The following NLRP3 variants were observed in gnomAD, a reference collection of about 807,000 sequenced individuals.
NLRP3 encodes NLR family pyrin domain containing 3, also known as NACHT, LRR and PYD domains-containing protein 3.
In NLRP3, 48 loss-of-function variants were observed where a neutral mutation model predicts 91.3. That is an observed-to-expected ratio of 0.53 (90% confidence interval 0.42 to 0.67). The LOEUF (loss-of-function observed/expected upper bound fraction) is 0.67. Ranked by LOEUF, NLRP3 falls within the 30% of genes least tolerant of loss-of-function variation. The pLI, the probability that NLRP3 is intolerant of heterozygous loss-of-function variation, is 0.00. For missense variants in NLRP3, 982 were observed against 1,276.9 expected (o/e 0.77, Z 3.52); for synonymous variants, 561 against 507.9 (o/e 1.10, Z -1.41).
chr1:247,433,000 G>A (rs1663452586), intron 5 of NLRP3, among the ~76,000 whole-genome samples: 1 of 151,798 alleles, frequency 6.6e-6, no homozygotes, highest in African/African-American at 2.4e-5. Context: ...GCAAGCTGGT[G>A]AGACCTTGTC....
intron 4 of NLRP3, among the ~76,000 whole-genome samples, chr1:247,428,876 G>C (rs1376202095): frequency 6.7e-6 from 1 of 149,692 alleles, no homozygotes; most frequent in Non-Finnish European, 1.5e-5. Context: ...GATGTGGCCT[G>C]GGCTTGCGAT....
chr1:247,442,926 CTATT>C (rs1001134473), intron 7 of NLRP3, among the ~76,000 whole-genome samples: 6 of 151,948 alleles, frequency 3.9e-5, no homozygotes, highest in African/African-American at 1.4e-4. Context: ...CTGGCTTTTT[CTATT>C]TATTTATTTA....
Position 247,418,634 on chromosome 1 carries a change from T to G in NLRP3, c.-167T>G. ...ACTTTTCAAAATTAAAGATTTTGAC[T>G]TGTTACAGTCATGTGACATTTTTTT... On this transcript the variant is annotated 5_prime_UTR_variant, in exon 2 of 10. Coordinates refer to ENST00000336119, the MANE Select transcript of NLRP3 (RefSeq NM_001243133.2). 1 of 865,136 alleles carries G rather than the reference T, an allele frequency of 1.2e-6. No individual in the cohort carries two copies. Among genetic ancestry groups the G allele is most frequent in the Non-Finnish European group, 1.8e-6 (1 of 551,786 alleles). The allele number at this position is 865,136 out of a possible 1,614,324, so 53.6% of individuals were successfully genotyped here.
intron 5 of NLRP3, among the ~76,000 whole-genome samples, chr1:247,431,493 A>G (rs1663323832): frequency 1.3e-5 from 2 of 152,134 alleles, no homozygotes; most frequent in Admixed American, 1.3e-4. Context: ...CCACCAGCCC[A>G]GGTCCAGCAA....
chr1:247,443,627 T>A (rs1190626631), intron 7 of NLRP3, among the ~76,000 whole-genome samples: 1 of 150,904 alleles, frequency 6.6e-6, no homozygotes, highest in Non-Finnish European at 1.5e-5. Context: ...TAGTTGAGGA[T>A]AACCACTGGG....
At chr1:247,448,293 A>AT (rs1572239516) in intron 9 of NLRP3, 112 bp from the exon 10 acceptor site, 6 of 293,516 alleles carry the variant, frequency 2.0e-5, no homozygotes, top group South Asian at 7.9e-5. Context: ...TTTTTTTTAC[A>AT]TTTTAGAAGT....
chr1:247,422,997 C>T (rs1233980427), intron 2 of NLRP3, among the ~76,000 whole-genome samples: 1 of 152,176 alleles, frequency 6.6e-6, no homozygotes, highest in African/African-American at 2.4e-5. Context: ...AGACTGGGGA[C>T]AGTGGGAACA....
At chr1:247,442,484 T>C (rs1380206662) in intron 7 of NLRP3, among the ~76,000 whole-genome samples, 1 of 152,144 alleles carries the variant, frequency 6.6e-6, no homozygotes, top group African/African-American at 2.4e-5. Context: ...GACTCAAGAA[T>C]AGTACATCAA....
In NLRP3 at chr1:247,418,853, T is replaced by A. The variant is rs1477422925; in HGVS notation, c.53T>A (p.Val18Glu). Residue 18 changes from valine (V) to glutamate (E), a missense_variant, in exon 2 of 10, where the codon GTG becomes GAG. Val to Glu is a moderately radical substitution (Grantham distance 121, BLOSUM62 -2). Coordinates refer to ENST00000336119, the MANE Select transcript of NLRP3 (RefSeq NM_001243133.2). ...LARYLEDLEDVDLKKFKMHLE... is the reference protein window; with the variant it reads ...LARYLEDLEDEDLKKFKMHLE... ...AGGTACCTGGAGGACCTGGAGGATG[T>A]GGACTTGAAGAAATTTAAGATGCAC... 2 of 1,613,892 alleles carry A rather than the reference T, an allele frequency of 1.2e-6. No homozygotes were observed. The highest frequency in any genetic ancestry group is 1.3e-5 in the African/African-American group (1 of 74,852).
In NLRP3 at chr1:247,448,189, G is replaced by A. The variant is rs117169243; in HGVS notation, c.3006-216G>A. ...TGGCCCAGGCATTCTTGAAGAAGGT[G>A]CGGAGTCTCGCGGCCATCTTGGTCT... On this transcript the variant is annotated intron_variant, in intron 9 of 9. Transcript: ENST00000336119. Among the ~76,000 whole-genome samples, 113 of 151,662 alleles carry A rather than the reference G, an allele frequency of 7.5e-4. 3 individuals carry two copies. The East Asian group carries it at 0.019, about 26-fold the overall frequency.
At chr1:247,444,867 C>T in intron 9 of NLRP3, 46 bp downstream of exon 9, 2 of 1,594,932 alleles carry the variant, frequency 1.3e-6, no homozygotes, top group Non-Finnish European at 1.7e-6. Context: ...TCTGAGTTCT[C>T]AGGAAACGTT....
At chr1:247,446,609 C>G (rs1301047413) in intron 9 of NLRP3, among the ~76,000 whole-genome samples, 5 of 152,188 alleles carry the variant, frequency 3.3e-5, no homozygotes, top group African/African-American at 1.2e-4. Flanking sequence ...ATTCCCTGTA[C>G]CTTCCTAAAT....
chr1:247,445,481 T>C (rs1238939109), intron 9 of NLRP3, among the ~76,000 whole-genome samples: 2 of 152,196 alleles, frequency 1.3e-5, no homozygotes, highest in Non-Finnish European at 2.9e-5. Context: ...ATTACAGGTG[T>C]GAGCCTCCGT....
intron 7 of NLRP3, among the ~76,000 whole-genome samples, chr1:247,438,378 GTTTTTTTTTTTT>G (rs74163772): frequency 2.8e-5 from 2 of 71,914 alleles, no homozygotes; most frequent in South Asian, 5.9e-4. Context: ...GTTTAGTTGT[GTTTTTTTTTTTT>G]TTTTTTTTTT....
Position 247,423,966 on chromosome 1 carries a change from A to G in NLRP3, c.517A>G (p.Lys173Glu), listed in dbSNP as rs1041570007. 1.2e-6 allele frequency: 2 copies of G among 1,613,980 alleles called. No individual in the cohort carries two copies. Among genetic ancestry groups the G allele is most frequent in the Admixed American group, 1.7e-5 (1 of 60,000 alleles). ...NKRYTRLRLI[K>E]EHRSQQEREQ... ...ACGCTACACACGACTGCGTCTCATC[A>G]AGGAGCACCGGAGCCAGCAGGAGAG... is the stretch of plus-strand genomic sequence containing the variant. Residue 173 changes from lysine (K) to glutamate (E), a missense_variant, in exon 4 of 10, where the codon AAG becomes GAG. By Grantham distance (56) the Lys-to-Glu change is moderately conservative. This residue lies in a region of NLRP3 where 548 missense variants were observed against 713.7 expected (regional missense o/e 0.77). Coordinates refer to ENST00000336119, the MANE Select transcript of NLRP3 (RefSeq NM_001243133.2).
chr1:247,442,072 G>A (rs148332327), intron 7 of NLRP3, among the ~76,000 whole-genome samples: 74 of 152,310 alleles, frequency 4.9e-4, no homozygotes, highest in Non-Finnish European at 8.7e-4. Flanking sequence ...AATTCTTACC[G>A]GGGATGAGAG....
Position 247,424,299 on chromosome 1 carries a change from C to G in NLRP3, c.850C>G (p.Pro284Ala). The G allele has an allele frequency of 6.2e-7, 1 of 1,613,936 alleles. No homozygotes were observed. The highest frequency in any genetic ancestry group is 1.3e-5 in the African/African-American group (1 of 74,974). Residue 284 changes from proline to alanine, a missense_variant, in exon 4 of 10, where the codon CCC (proline) becomes GCC (alanine). By Grantham distance (27) the Pro-to-Ala change is conservative. Transcript: ENST00000336119. The surrounding 1 kb of genome is among the most constrained non-coding windows in gnomAD (Gnocchi z 8.1). Reference sequence around the variant, plus strand: ...GAGCTGCTGCCCCGACCCAAACCCACCCATCCACAAGATCGTGAGAAAACC... The same window carrying G: ...GAGCTGCTGCCCCGACCCAAACCCAGCCATCCACAAGATCGTGAGAAAACC... ...IMSCCPDPNP[P>A]IHKIVRKPSR...
chr1:247,431,121 T>C (rs1364131632), intron 5 of NLRP3, among the ~76,000 whole-genome samples: 3 of 151,956 alleles, frequency 2.0e-5, no homozygotes, highest in Non-Finnish European at 2.9e-5. Flanking sequence ...GAGGCGGAGA[T>C]GGCAGTGAGC....
At chr1:247,431,125 A>G (rs559942713) in intron 5 of NLRP3, among the ~76,000 whole-genome samples, 1 of 152,058 alleles carries the variant, frequency 6.6e-6, no homozygotes, top group Non-Finnish European at 1.5e-5. Flanking sequence ...CGGAGATGGC[A>G]GTGAGCCGAG....
Sources: gnomAD v4.1 joint callset for allele counts (sites outside exome capture counted in the v4.1 genomes callset) on GRCh38, gnomAD v4.1.1 for gene constraint, gnomAD v4.1.1 regional missense constraint, Gnocchi (gnomAD v3.1) non-coding constraint, MANE v1.5 for transcripts, NCBI Gene and HGNC (gene_info 2026-07-23, HGNC 2026-07-21) for gene names.